PARD3B: variants seen among roughly 807,000 people sequenced by gnomAD.
PARD3B encodes par-3 family cell polarity regulator beta.
Under a neutral mutation model 130.2 loss-of-function variants are expected in PARD3B, and 103 were observed. The ratio of observed to expected loss-of-function variants is 0.79; its 90% CI spans 0.67 to 0.93. The LOEUF is 0.93. PARD3B is among the 40% of genes least tolerant of loss of function. PARD3B has a pLI of 0.00. For missense variants in PARD3B, 1,609 were observed against 1,499.2 expected, an observed-to-expected ratio of 1.07 and a Z score of -1.21; for synonymous variants, 583 against 553.2, an observed-to-expected ratio of 1.05 and a Z score of -0.76.
rs143438143 is a variant in PARD3B at position 205,542,354 on chromosome 2, T to TTGTGTGTGTGTGTGTGTGTGTG, written c.3181-10962_3181-10941dup. 1.4e-3 allele frequency among the ~76,000 whole-genome samples: 199 copies of TTGTGTGTGTGTGTGTGTGTGTG among 145,194 alleles called. 1 individual carries two copies. The highest frequency in any genetic ancestry group is 4.3e-3 in the African/African-American group (167 of 38,876). On this transcript the variant is annotated intron_variant, in intron 21 of 22. Coordinates refer to ENST00000406610, the MANE Select transcript of PARD3B (RefSeq NM_001302769.2). ...CAGGAAACTATTCAGTAGTTTGTGT[T>TTGTGTGTGTGTGTGTGTGTGTG]TGTGTGTGTGTGTGTGTGTGTGTGT...
At chr2:205,491,650 G>C (rs1269795230) in intron 20 of PARD3B, among the ~76,000 whole-genome samples, 5 of 152,032 alleles carry the variant, frequency 3.3e-5, no homozygotes, top group African/African-American at 1.2e-4. Flanking sequence ...TTGATTCATT[G>C]GGTCAAGGTC....
chr2:204,566,740 G>A (rs77986946), intron 1 of PARD3B, among the ~76,000 whole-genome samples: 12,107 of 152,106 alleles, frequency 0.08, 687 homozygotes, highest in South Asian at 0.2. Flanking sequence ...TTTCCTCAGG[G>A]TTGTTTTGAT....
intron 16 of PARD3B, among the ~76,000 whole-genome samples, chr2:205,246,479 A>G (rs1338504882): frequency 6.6e-6 from 1 of 152,112 alleles, no homozygotes; most frequent in African/African-American, 2.4e-5. Context: ...ATTTATTCAC[A>G]TTAGTTGAAA....
At chr2:205,120,723 T>TAG (rs1203669006) in intron 7 of PARD3B, among the ~76,000 whole-genome samples, 1 of 152,184 alleles carries the variant, frequency 6.6e-6, no homozygotes, top group Non-Finnish European at 1.5e-5. Context: ...GCTGCTGAGT[T>TAG]TCCTCAGTCA....
chr2:204,911,421 G>T (rs1402996509), intron 2 of PARD3B, among the ~76,000 whole-genome samples: 1 of 152,202 alleles, frequency 6.6e-6, no homozygotes, highest in Non-Finnish European at 1.5e-5. Flanking sequence ...AACACTAGTT[G>T]CTGGAAACCA....
rs200959569 is a variant in PARD3B, at chr2:205,224,357, C to T, written c.2141-21421C>T. 6.6e-4 allele frequency among the ~76,000 whole-genome samples: 64 copies of T among 96,850 alleles called. 2 individuals carry two copies. In the East Asian group the frequency reaches 0.02, roughly 30 times the overall value. The allele number at this position is 96,850 out of a possible 152,430, so 63.5% of individuals were successfully genotyped here. ...CTGCACTCCAGCCTGGGCCACAGAG[C>T]GAGACTCCGTCTCAAAAAAAAAAAA... On this transcript the variant is annotated intron_variant, in intron 15 of 22. Coordinates refer to ENST00000406610, the MANE Select transcript of PARD3B (RefSeq NM_001302769.2).
rs541918141 is a variant in PARD3B at position 204,703,295 on chromosome 2, A to G, written c.222+17013A>G. On this transcript the variant is annotated intron_variant, in intron 2 of 22. Coordinates refer to ENST00000406610, the MANE Select transcript of PARD3B (RefSeq NM_001302769.2). ...TTTCATGGTATTTTTCTGGAACTCT[A>G]CTGTCCCTGCACTTGCTCATTTATG... Among the ~76,000 whole-genome samples, 18 of 152,326 alleles carry G rather than the reference A, an allele frequency of 1.2e-4. No individual in the cohort carries two copies. The South Asian group carries it at 2.3e-3, about 19-fold the overall frequency.
chr2:204,622,231 C>T (rs377159220), intron 1 of PARD3B, among the ~76,000 whole-genome samples: 9 of 152,284 alleles, frequency 5.9e-5, no homozygotes, highest in East Asian at 1.9e-4. Flanking sequence ...ACTCAAAACA[C>T]GCAACCAGCA....
At chr2:204,806,504 C>T (rs899048057) in intron 2 of PARD3B, among the ~76,000 whole-genome samples, 1 of 152,132 alleles carries the variant, frequency 6.6e-6, no homozygotes, top group Non-Finnish European at 1.5e-5. Context: ...GGATTAAAGA[C>T]TTAAATGTAA....
At chr2:205,106,102 G>T (rs1703189127) in intron 5 of PARD3B, among the ~76,000 whole-genome samples, 1 of 151,514 alleles carries the variant, frequency 6.6e-6, no homozygotes, top group Non-Finnish European at 1.5e-5. Context: ...TGAGAGAAAT[G>T]GAGTATAGGA....
At chr2:204,624,852 T>C (rs1398156909) in intron 1 of PARD3B, among the ~76,000 whole-genome samples, 1 of 152,120 alleles carries the variant, frequency 6.6e-6, no homozygotes, top group Non-Finnish European at 1.5e-5. Context: ...CTGTCACCAG[T>C]AATGTATAAG....
At chr2:204,548,240 TG>T (rs2030155620) in intron 1 of PARD3B, among the ~76,000 whole-genome samples, 3 of 152,186 alleles carry the variant, frequency 2.0e-5, no homozygotes, top group African/African-American at 7.2e-5. Flanking sequence ...AGGCCAGAAA[TG>T]TCAAAATTCA....
intron 21 of PARD3B, among the ~76,000 whole-genome samples, chr2:205,541,456 C>T (rs2052133883): frequency 6.6e-6 from 1 of 150,534 alleles, no homozygotes; most frequent in Non-Finnish European, 1.5e-5. Flanking sequence ...TCAAGCAATT[C>T]TCCTGTCTCA....
chr2:205,569,586 G>A (rs1037375060), intron 22 of PARD3B, among the ~76,000 whole-genome samples: 13 of 152,172 alleles, frequency 8.5e-5, no homozygotes, highest in African/African-American at 3.1e-4. Flanking sequence ...AACACATGGT[G>A]GTCTAGACAC....
At chr2:204,665,266 C>T (rs1324981396) in intron 1 of PARD3B, among the ~76,000 whole-genome samples, 1 of 152,010 alleles carries the variant, frequency 6.6e-6, no homozygotes, top group Non-Finnish European at 1.5e-5. Flanking sequence ...TATCTTTTGA[C>T]CATATTATAG....
intron 1 of PARD3B, among the ~76,000 whole-genome samples, chr2:204,649,991 G>C (rs2035424362): frequency 6.6e-6 from 1 of 151,846 alleles, no homozygotes; most frequent in Non-Finnish European, 1.5e-5. Flanking sequence ...TACTGAACAG[G>C]AGAAAATATT....
At chr2:204,683,536 A>G (rs1276808428) in intron 1 of PARD3B, among the ~76,000 whole-genome samples, 1 of 152,166 alleles carries the variant, frequency 6.6e-6, no homozygotes, top group African/African-American at 2.4e-5. Flanking sequence ...TTTTGTATGT[A>G]CATTTTTGAG....
At chr2:205,527,634 G>A (rs2051395773) in intron 21 of PARD3B, among the ~76,000 whole-genome samples, 1 of 152,196 alleles carries the variant, frequency 6.6e-6, no homozygotes. Flanking sequence ...TATGTCAGTA[G>A]TGTAAGGCCA....
intron 2 of PARD3B, among the ~76,000 whole-genome samples, chr2:204,814,498 G>T (rs1381873547): frequency 6.6e-6 from 1 of 151,594 alleles, no homozygotes; most frequent in Non-Finnish European, 1.5e-5. Flanking sequence ...TAGATTCCCT[G>T]GTCCTCTAGG....
Sources: allele counts gnomAD v4.1 joint callset (sites outside exome capture counted in the v4.1 genomes callset), GRCh38; gene constraint gnomAD v4.1.1; transcripts MANE v1.5; gene names NCBI Gene and HGNC (gene_info 2026-07-23, HGNC 2026-07-21).